Variants in PXDNL observed in about 807,000 individuals in gnomAD.
The protein encoded by PXDNL is peroxidasin like, also known as probable oxidoreductase PXDNL.
In PXDNL, 145 loss-of-function variants were observed where a neutral mutation model predicts 150.8. That is an observed-to-expected ratio of 0.96 (90% CI 0.84 to 1.10). The LOEUF is 1.10. PXDNL is among the 50% of genes least tolerant of loss of function. The probability of loss-of-function intolerance (pLI) is 0.00; values close to 1 mark genes in which losing one functional copy is unlikely to be tolerated. For missense variants in PXDNL, 2,087 were observed against 1,873.9 expected (o/e 1.11, Z -2.10); for synonymous variants, 757 against 725.7 (o/e 1.04, Z -0.69).
chr8:51,353,145 T>G (rs1438922949), intron 19 of PXDNL, among the ~76,000 whole-genome samples: 1 of 150,836 alleles, frequency 6.6e-6, no homozygotes, highest in Non-Finnish European at 1.5e-5. Flanking sequence ...TATGTTATTG[T>G]GTATATTACT....
chr8:51,556,811 G>A, intron 4 of PXDNL, 29 bp downstream of exon 4: 1 of 1,196,396 alleles, frequency 8.4e-7, no homozygotes, highest in Admixed American at 1.7e-5. Flanking sequence ...CACCATGAGT[G>A]ATTTAATAAA....
At chr8:51,782,246 C>T (rs2037422490) in intron 1 of PXDNL, among the ~76,000 whole-genome samples, 1 of 152,126 alleles carries the variant, frequency 6.6e-6, no homozygotes, top group Non-Finnish European at 1.5e-5. Context: ...ATGCCTTGGG[C>T]TTCCCCCTTA....
intron 1 of PXDNL, among the ~76,000 whole-genome samples, chr8:51,711,851 T>A (rs1377516517): frequency 6.6e-6 from 1 of 152,230 alleles, no homozygotes; most frequent in Non-Finnish European, 1.5e-5. Flanking sequence ...TTATTCTCAT[T>A]TTTCTTTTTA....
At chr8:51,339,493 T>C (rs1233913826) in intron 21 of PXDNL, 131 bp downstream of exon 21, 6 of 911,368 alleles carry the variant, frequency 6.6e-6, no homozygotes, top group Non-Finnish European at 9.7e-6. Context: ...AAAAAAGCAA[T>C]ACAACTCCCT....
intron 2 of PXDNL, among the ~76,000 whole-genome samples, chr8:51,635,723 C>T (rs915999916): frequency 2.0e-5 from 3 of 151,904 alleles, no homozygotes; most frequent in Non-Finnish European, 4.4e-5. Flanking sequence ...AAAAACCTCA[C>T]AACAAAGAAA....
rs535420777 is a variant in PXDNL, at chr8:51,552,357, A to G, written c.380+4483T>C. On this transcript the variant is annotated intron_variant, in intron 4 of 22. Transcript: ENST00000356297. ...TCTACCCACAGAAAAAGAAGTTATT[A>G]TATAAAACAGACACATGCACAACTA... 2.6e-5 allele frequency among the ~76,000 whole-genome samples: 4 copies of G among 152,336 alleles called. No individual in the cohort carries two copies. In the East Asian group the frequency reaches 7.7e-4, roughly 29 times the overall value.
At chr8:51,589,564 A>G (rs955281195) in intron 3 of PXDNL, among the ~76,000 whole-genome samples, 2 of 152,194 alleles carry the variant, frequency 1.3e-5, no homozygotes, top group Non-Finnish European at 2.9e-5. Flanking sequence ...AGAACAAGTT[A>G]TTGGAAGCTG....
chr8:51,450,541 CATG>C (rs1302490703), intron 10 of PXDNL, among the ~76,000 whole-genome samples: 3 of 152,164 alleles, frequency 2.0e-5, no homozygotes, highest in Admixed American at 1.3e-4. Context: ...ATACAAGAAA[CATG>C]ATAAAGTAAA....
At chr8:51,587,970 A>G (rs1013712448) in intron 3 of PXDNL, among the ~76,000 whole-genome samples, 1 of 152,190 alleles carries the variant, frequency 6.6e-6, no homozygotes, top group African/African-American at 2.4e-5. Flanking sequence ...GAAAAAATAA[A>G]CTTTTGTGGT....
At chr8:51,592,175 A>T (rs889286238) in intron 3 of PXDNL, among the ~76,000 whole-genome samples, 13 of 152,196 alleles carry the variant, frequency 8.5e-5, no homozygotes, top group African/African-American at 3.1e-4. Flanking sequence ...TTTTTCAGAA[A>T]TTTGGTCCTT....
chr8:51,684,734 G>T (rs1815836127), intron 1 of PXDNL, among the ~76,000 whole-genome samples: 1 of 152,224 alleles, frequency 6.6e-6, no homozygotes, highest in Non-Finnish European at 1.5e-5. Context: ...ACATTCTCTT[G>T]CTGGTCTTGA....
At chr8:51,674,429 T>G (rs189731520) in intron 1 of PXDNL, among the ~76,000 whole-genome samples, 4 of 152,356 alleles carry the variant, frequency 2.6e-5, no homozygotes, top group Admixed American at 2.6e-4. Flanking sequence ...AATAATTAGA[T>G]GTCATGAATT....
chr8:51,401,993 A>G (rs1808261074), intron 17 of PXDNL, among the ~76,000 whole-genome samples: 1 of 152,222 alleles, frequency 6.6e-6, no homozygotes, highest in Admixed American at 6.5e-5. Context: ...AGAAGAAGGA[A>G]AAGCCAAGCC....
chr8:51,647,805 T>C (rs1814951280), intron 2 of PXDNL, among the ~76,000 whole-genome samples: 1 of 152,210 alleles, frequency 6.6e-6, no homozygotes, highest in Non-Finnish European at 1.5e-5. Context: ...GAAAAACACT[T>C]ACAATAGTGT....
intron 1 of PXDNL, among the ~76,000 whole-genome samples, chr8:51,749,345 G>A (rs1489828629): frequency 6.6e-6 from 1 of 152,172 alleles, no homozygotes; most frequent in Non-Finnish European, 1.5e-5. Context: ...ATCATAGAGT[G>A]TCCTTACACA....
rs76791147 is a variant in PXDNL at position 51,764,446 on chromosome 8, T to C, written c.164+44735A>G. On this transcript the variant is annotated intron_variant, in intron 1 of 22. Transcript: ENST00000356297. ...TTTTTTTAATATGGGCATTTACAAC[T>C]CCAAATATCTCTCTGGCCATGACTG... is the stretch of plus-strand genomic sequence containing the variant. Among the ~76,000 whole-genome samples, 164 of 151,798 alleles carry C rather than the reference T, an allele frequency of 1.1e-3. 4 individuals are homozygous for C. In the East Asian group the frequency reaches 0.029, roughly 27 times the overall value.
chr8:51,512,368 G>A (rs1460423669), intron 4 of PXDNL, among the ~76,000 whole-genome samples: 1 of 152,156 alleles, frequency 6.6e-6, no homozygotes, highest in Non-Finnish European at 1.5e-5. Context: ...GAAGCACAGA[G>A]AGAAATCAGA....
rs267601941 is a variant in PXDNL at position 51,408,560 on chromosome 8, G to A, written c.3064C>T (p.Leu1022=). The A allele has an allele frequency of 5.0e-6, 8 of 1,613,100 alleles. No homozygotes were observed. In the South Asian group the frequency reaches 6.6e-5, roughly 13 times the overall value. ...ITYSHWLPKV[L]GDPGTRMLRG... is the part of the protein sequence containing the mutation. Reference sequence around the variant, plus strand: ...AGCATCCTAGTGCCAGGGTCCCCCAGGACCTTAGGCAGCCAGTGGCTGTAG... The same window carrying A: ...AGCATCCTAGTGCCAGGGTCCCCCAAGACCTTAGGCAGCCAGTGGCTGTAG... Residue 1022 remains leucine (L), a synonymous_variant, in exon 17 of 23, where the codon CTG becomes TTG. Coordinates refer to ENST00000356297, the MANE Select transcript of PXDNL (RefSeq NM_144651.5).
At chr8:51,382,807 T>C (rs374475466) in intron 17 of PXDNL, among the ~76,000 whole-genome samples, 55 of 152,324 alleles carry the variant, frequency 3.6e-4, no homozygotes, top group African/African-American at 1.2e-3. Flanking sequence ...TTTATGTCTA[T>C]GAACTATAAG....
Sources: gnomAD v4.1 joint callset for allele counts (sites outside exome capture counted in the v4.1 genomes callset) on GRCh38, gnomAD v4.1.1 for gene constraint, MANE v1.5 for transcripts, NCBI Gene and HGNC (gene_info 2026-07-23, HGNC 2026-07-21) for gene names.